Variants in SCD5 observed in about 807,000 individuals in gnomAD.
SCD5 encodes stearoyl-CoA desaturase 5, also known as acyl-CoA-desaturase 4.
Under a neutral mutation model 30.4 loss-of-function variants are expected in SCD5, and 20 were observed. The observed-to-expected ratio is 0.66, with a 90% CI of 0.46 to 0.96. The LOEUF (loss-of-function observed/expected upper bound fraction) is 0.96. Among genes scored for constraint, SCD5 ranks in the 40% least tolerant of loss-of-function variants. The pLI, the probability that SCD5 is intolerant of heterozygous loss-of-function variation, is 0.00. For synonymous variants in SCD5, 173 were observed against 176.4 expected, an observed-to-expected ratio of 0.98 and a Z score of 0.16; for missense variants, 381 against 443.3, an observed-to-expected ratio of 0.86 and a Z score of 1.26.
chr4:82,698,046 G>A (rs1250760228), intron 2 of SCD5: 1 of 456,690 alleles, frequency 2.2e-6, no homozygotes, highest in South Asian at 1.5e-5. Context: ...AGGAAAAGCT[G>A]TCAGGGCATC....
chr4:82,664,865 C>T (rs1208819950), intron 3 of SCD5, among the ~76,000 whole-genome samples: 2 of 151,058 alleles, frequency 1.3e-5, no homozygotes, highest in Middle Eastern at 3.2e-3. Context: ...GTGGCTCATG[C>T]CTGTAATCTC....
intron 2 of SCD5, among the ~76,000 whole-genome samples, chr4:82,681,440 T>C (rs1216836516): frequency 6.6e-6 from 1 of 152,160 alleles, no homozygotes; most frequent in Non-Finnish European, 1.5e-5. Context: ...ATATACCCAG[T>C]AATGGCATTG....
At chr4:82,737,349 G>C (rs1720774069) in intron 1 of SCD5, among the ~76,000 whole-genome samples, 1 of 152,152 alleles carries the variant, frequency 6.6e-6, no homozygotes, top group Non-Finnish European at 1.5e-5. Context: ...AGTAGAAATA[G>C]TATTGCACTT....
rs1480329641 is a variant in SCD5 at position 82,688,181 on chromosome 4, T to C, written c.364-7269A>G. Among the ~76,000 whole-genome samples the C allele has an allele frequency of 2.0e-5, 3 of 152,196 alleles. No homozygotes were observed. In the South Asian group the frequency reaches 6.2e-4, roughly 31 times the overall value. ...ATTCCACTTGTATTCATAACACATCTTTGTTTCCAGTCAGTAGTGAAAAAG... is the reference window on the plus strand; with the variant it reads ...ATTCCACTTGTATTCATAACACATCCTTGTTTCCAGTCAGTAGTGAAAAAG... On this transcript the variant is annotated intron_variant, in intron 2 of 4. Transcript: ENST00000319540.
chr4:82,710,902 G>C (rs1578032256), intron 1 of SCD5, among the ~76,000 whole-genome samples: 1 of 152,022 alleles, frequency 6.6e-6, no homozygotes, highest in East Asian at 1.9e-4. Context: ...GACAGAGAGA[G>C]AGAGAGAGAG....
At chr4:82,657,938 T>C (rs1256266748) in intron 3 of SCD5, among the ~76,000 whole-genome samples, 2 of 152,234 alleles carry the variant, frequency 1.3e-5, no homozygotes, top group Non-Finnish European at 2.9e-5. Flanking sequence ...TTTTTGCACA[T>C]TGATTTTGTA....
In SCD5 at chr4:82,689,113, C is replaced by A. The variant is rs79423618; in HGVS notation, c.364-8201G>T. ...TAGCAATGAACATATTTAGTTCCCA[C>A]AACTTGTTTTTAAAATACCATTCTC... is the stretch of plus-strand genomic sequence containing the variant. On this transcript the variant is annotated intron_variant, in intron 2 of 4. Coordinates refer to ENST00000319540, the MANE Select transcript of SCD5 (RefSeq NM_001037582.3). Among the ~76,000 whole-genome samples, 27 of 152,280 alleles carry A rather than the reference C, an allele frequency of 1.8e-4. No homozygotes were observed. The East Asian group carries it at 5.0e-3, about 28-fold the overall frequency.
intron 1 of SCD5, among the ~76,000 whole-genome samples, chr4:82,709,652 A>G (rs538917306): frequency 6.6e-6 from 1 of 152,344 alleles, no homozygotes; most frequent in Non-Finnish European, 1.5e-5. Flanking sequence ...GGATCCATGG[A>G]TGGAAGGAAA....
chr4:82,638,861 A>T (rs1193946192), intron 3 of SCD5, among the ~76,000 whole-genome samples: 2 of 152,204 alleles, frequency 1.3e-5, no homozygotes, highest in East Asian at 3.9e-4. Context: ...CAGTTCTGAG[A>T]CCTTTATATG....
At chr4:82,699,968 G>C (rs966763224) in intron 2 of SCD5, among the ~76,000 whole-genome samples, 6 of 151,740 alleles carry the variant, frequency 4.0e-5, no homozygotes, top group African/African-American at 1.4e-4. Flanking sequence ...CCCAATCCCA[G>C]CACTTTGGAA....
At chr4:82,662,153 C>T (rs1728025877) in intron 3 of SCD5, among the ~76,000 whole-genome samples, 1 of 152,178 alleles carries the variant, frequency 6.6e-6, no homozygotes, top group Non-Finnish European at 1.5e-5. Flanking sequence ...AACTCCTGAG[C>T]TGAAGCAATC....
chr4:82,715,765 A>C (rs1335502335), intron 1 of SCD5, among the ~76,000 whole-genome samples: 1 of 151,800 alleles, frequency 6.6e-6, no homozygotes, highest in South Asian at 2.1e-4. Context: ...AAGAACTCTT[A>C]GCTGTCATAG....
At chr4:82,676,480 A>T (rs1224077056) in intron 3 of SCD5, among the ~76,000 whole-genome samples, 1 of 152,160 alleles carries the variant, frequency 6.6e-6, no homozygotes, top group Non-Finnish European at 1.5e-5. Flanking sequence ...CATTAGGTGG[A>T]TATCTGACCT....
chr4:82,764,714 A>T (rs1030700166), intron 1 of SCD5, among the ~76,000 whole-genome samples: 1 of 149,566 alleles, frequency 6.7e-6, no homozygotes, highest in African/African-American at 2.5e-5. Flanking sequence ...GATCTTTTAA[A>T]TATTTTCTTT....
chr4:82,631,173 AT>A lies in SCD5; in HGVS notation c.*153del. Reference sequence around the variant, plus strand: ...TCATTGATAATTGTATTTCAACATTATTTTGAGATAAACAAAAACATTCCCA... The same window carrying A: ...TCATTGATAATTGTATTTCAACATTATTTGAGATAAACAAAAACATTCCCA... On this transcript the variant is annotated 3_prime_UTR_variant, in exon 5 of 5. Transcript: ENST00000319540. The A allele has an allele frequency of 1.8e-6, 1 of 569,296 alleles. No homozygotes were observed. Among genetic ancestry groups the A allele is most frequent in the South Asian group, 3.7e-5 (1 of 27,392 alleles). 35.3% of individuals were successfully genotyped at this position (569,296 alleles called of 1,614,324 possible).
intron 1 of SCD5, among the ~76,000 whole-genome samples, chr4:82,745,368 G>A (rs17354064): frequency 0.098 from 14,895 of 152,198 alleles, 943 homozygotes; most frequent in Non-Finnish European, 0.15. Flanking sequence ...TCAGCGGGAG[G>A]CCAAATCCTA....
chr4:82,656,947 TG>T (rs898607576), intron 3 of SCD5, among the ~76,000 whole-genome samples: 69 of 152,354 alleles, frequency 4.5e-4, no homozygotes, highest in African/African-American at 1.5e-3. Flanking sequence ...TTGATAGGGT[TG>T]TTTTTTTCTT....
intron 3 of SCD5, among the ~76,000 whole-genome samples, chr4:82,646,979 T>C (rs1230265250): frequency 6.6e-6 from 1 of 152,148 alleles, no homozygotes; most frequent in Non-Finnish European, 1.5e-5. Flanking sequence ...TGCACCACCA[T>C]GCCCAGTTAA....
At chr4:82,721,328 GCA>G (rs1380586559) in intron 1 of SCD5, among the ~76,000 whole-genome samples, 1 of 152,054 alleles carries the variant, frequency 6.6e-6, no homozygotes, top group African/African-American at 2.4e-5. Flanking sequence ...ATGTTTCTAA[GCA>G]CAGTACTAGA....
Sources: gnomAD v4.1 joint callset for allele counts (sites outside exome capture counted in the v4.1 genomes callset) on GRCh38, gnomAD v4.1.1 for gene constraint, MANE v1.5 for transcripts, NCBI Gene and HGNC (gene_info 2026-07-23, HGNC 2026-07-21) for gene names.